Variants in EML1 observed in about 807,000 individuals in gnomAD.
The protein encoded by EML1 is echinoderm microtubule-associated protein-like 1.
EML1 carries 27 observed loss-of-function variants against 110.4 expected under a neutral mutation model. The observed-to-expected ratio is 0.24, with a 90% CI of 0.18 to 0.34. The LOEUF (loss-of-function observed/expected upper bound fraction) is 0.34. Among genes scored for constraint, EML1 ranks in the 10% least tolerant of loss-of-function variants. EML1 has a pLI of 1.00. For synonymous variants in EML1, 344 were observed against 385.8 expected (o/e 0.89, Z 1.27); for missense variants, 741 against 1,030.9 (o/e 0.72, Z 3.85).
intron 1 of EML1, among the ~76,000 whole-genome samples, chr14:99,777,028 A>G (rs1444496947): frequency 6.6e-6 from 1 of 152,198 alleles, no homozygotes; most frequent in East Asian, 1.9e-4. Flanking sequence ...AGTTTTTCTT[A>G]TTAAAAGGAA....
chr14:99,934,517 G>C (rs1436805134), intron 17 of EML1, among the ~76,000 whole-genome samples: 1 of 152,238 alleles, frequency 6.6e-6, no homozygotes, highest in East Asian at 1.9e-4. Flanking sequence ...AGGAAAGAAG[G>C]AGGGGAGAAA....
intron 1 of EML1, among the ~76,000 whole-genome samples, chr14:99,785,913 C>G (rs1342444967): frequency 6.6e-6 from 1 of 151,914 alleles, no homozygotes; most frequent in South Asian, 2.1e-4. Context: ...GCATCCAGTG[C>G]CATACAGAGG....
Position 99,936,615 on chromosome 14 carries a change from G to A in EML1, c.2095+281G>A, listed in dbSNP as rs2060476906. ...CTGCAGAGGGGGGCTTGGGGCAGGC[G>A]GATGTGGCAGAAGGGGGCGGGTCCG... On this transcript the variant is annotated intron_variant, in intron 19 of 21. Transcript: ENST00000262233. The surrounding 1 kb of genome is among the most constrained non-coding windows in gnomAD (Gnocchi z 5.5). Among the ~76,000 whole-genome samples the A allele has an allele frequency of 6.6e-6, 1 of 152,194 alleles. No homozygotes were observed.
chr14:99,839,484 T>C (rs1480955017), intron 1 of EML1, among the ~76,000 whole-genome samples: 1 of 152,206 alleles, frequency 6.6e-6, no homozygotes, highest in Non-Finnish European at 1.5e-5. Flanking sequence ...TGAAAGTTTG[T>C]TTCCTTTAAA....
chr14:99,770,817 C>G (rs1315511669), upstream of EML1, among the ~76,000 whole-genome samples: 1 of 100,702 alleles, frequency 9.9e-6, no homozygotes, highest in Non-Finnish European at 1.8e-5. Context: ...CGGAGTCTCG[C>G]TCTGTTGTCC....
chr14:99,889,975 G>A (rs941384104), intron 4 of EML1, among the ~76,000 whole-genome samples: 3 of 152,166 alleles, frequency 2.0e-5, no homozygotes, highest in Non-Finnish European at 2.9e-5. Context: ...CCCATGTGCT[G>A]CAGGAAATTA....
At chr14:99,768,441 G>A (rs2057389095), upstream of EML1, among the ~76,000 whole-genome samples, 2 of 152,086 alleles carry the variant, frequency 1.3e-5, no homozygotes, top group Non-Finnish European at 2.9e-5. Context: ...GGTCCAAAAT[G>A]GCCAAAGGAA....
chr14:99,845,709 C>T (rs532328307), intron 1 of EML1, among the ~76,000 whole-genome samples: 1 of 152,296 alleles, frequency 6.6e-6, no homozygotes, highest in South Asian at 2.1e-4. Flanking sequence ...CATAGACACA[C>T]TTGAAAATTA....
chr14:99,794,567 TAATG>T lies in EML1; in HGVS notation c.67+1026_67+1029del, dbSNP rs962219419. On this transcript the variant is annotated intron_variant, in intron 1 of 21. Coordinates refer to ENST00000262233, the MANE Select transcript of EML1 (RefSeq NM_004434.3). The stretch of plus-strand genomic sequence containing the variant: ...TGTTTGTCACTGTAGCAGTAAAGAG[TAATG>T]AGTGTGTTGATTCATCCTCTGTAGT... 1.8e-4 allele frequency among the ~76,000 whole-genome samples: 27 copies of T among 152,266 alleles called. 1 individual carries two copies. Among genetic ancestry groups the T allele is most frequent in the African/African-American group, 5.1e-4 (21 of 41,550 alleles).
Position 99,776,412 on chromosome 14 carries a change from G to A in EML1, c.-27+2399G>A, listed in dbSNP as rs529381696. Reference sequence around the variant, plus strand: ...CCAGCTACTTGGGAGACTGAGGTGGGAGAATCGCTTGAACCTGGGAGGTAG... The same window carrying A: ...CCAGCTACTTGGGAGACTGAGGTGGAAGAATCGCTTGAACCTGGGAGGTAG... On this transcript the variant is annotated intron_variant, in intron 1 of 22. Coordinates refer to the EML1 transcript ENST00000327921. Among the ~76,000 whole-genome samples the A allele has an allele frequency of 4.5e-4, 69 of 151,956 alleles. 1 individual carries two copies. The highest frequency in any genetic ancestry group is 1.6e-3 in the African/African-American group (65 of 41,434).
chr14:99,912,321 C>T (rs572621876), intron 13 of EML1, among the ~76,000 whole-genome samples: 2 of 152,108 alleles, frequency 1.3e-5, no homozygotes, highest in South Asian at 4.2e-4. Flanking sequence ...CCTTTTGATA[C>T]CCGGTGTACC....
chr14:99,742,780 T>C (rs572768859), intron 1 of EML1, among the ~76,000 whole-genome samples: 1 of 152,206 alleles, frequency 6.6e-6, no homozygotes, highest in South Asian at 2.1e-4. Context: ...TCTCCGAGCC[T>C]CGGCGGTCTC....
intron 1 of EML1, among the ~76,000 whole-genome samples, chr14:99,747,187 C>CAAAAAAAAA (rs35376029): frequency 1.0e-5 from 1 of 95,580 alleles, no homozygotes; most frequent in Non-Finnish European, 1.9e-5. Flanking sequence ...GACCCCGTCT[C>CAAAAAAAAA]AAAAAAAAAA....
chr14:99,820,775 C>G (rs2058248031), intron 1 of EML1, among the ~76,000 whole-genome samples: 1 of 152,020 alleles, frequency 6.6e-6, no homozygotes, highest in Non-Finnish European at 1.5e-5. Flanking sequence ...TAGTCGGTTG[C>G]TGTAAACTGA....
chr14:99,770,126 T>C (rs2057407876), upstream of EML1, among the ~76,000 whole-genome samples: 1 of 152,214 alleles, frequency 6.6e-6, no homozygotes, highest in Non-Finnish European at 1.5e-5. Flanking sequence ...TGTCCTCCTA[T>C]GATCATCAGA....
chr14:99,898,119 A>G, intron 7 of EML1, 114 bp from the exon 8 acceptor site: 1 of 758,504 alleles, frequency 1.3e-6, no homozygotes, highest in Non-Finnish European at 2.0e-6. Flanking sequence ...GTCTGTAAGA[A>G]GTTAGGCATT....
intron 1 of EML1, among the ~76,000 whole-genome samples, chr14:99,796,173 T>G (rs2057767127): frequency 1.8e-5 from 2 of 111,516 alleles, no homozygotes; most frequent in East Asian, 5.3e-4. Flanking sequence ...GGTGACAAAG[T>G]GAGACCCTGT....
chr14:99,797,147 C>T (rs749526576), intron 1 of EML1, among the ~76,000 whole-genome samples: 67 of 152,270 alleles, frequency 4.4e-4, no homozygotes, highest in Non-Finnish European at 5.0e-4. Flanking sequence ...AACCATTAAT[C>T]TACTTTCTGT....
chr14:99,797,006 G>A (rs1282157117), intron 1 of EML1, among the ~76,000 whole-genome samples: 3 of 152,016 alleles, frequency 2.0e-5, no homozygotes, highest in Non-Finnish European at 2.9e-5. Context: ...ACCATTAAGT[G>A]CGTGTAGTAT....
Sources: allele counts gnomAD v4.1 joint callset (sites outside exome capture counted in the v4.1 genomes callset), GRCh38; gene constraint gnomAD v4.1.1; non-coding constraint Gnocchi (gnomAD v3.1); transcripts MANE v1.5; gene names NCBI Gene and HGNC (gene_info 2026-07-23, HGNC 2026-07-21).